Variants in DGKB observed in about 807,000 individuals in gnomAD.
DGKB encodes the protein 90 kDa diacylglycerol kinase.
Under a neutral mutation model 114.3 loss-of-function variants are expected in DGKB, and 67 were observed. The observed-to-expected ratio is 0.59, with a 90% CI of 0.48 to 0.72. DGKB has a LOEUF of 0.72. Among genes scored for constraint, DGKB ranks in the 30% least tolerant of loss-of-function variants. The pLI is 0.00. For synonymous variants in DGKB, 398 were observed against 323.1 expected, an observed-to-expected ratio of 1.23 and a Z score of -2.49; for missense variants, 907 against 975.2, an observed-to-expected ratio of 0.93 and a Z score of 0.93.
intron 1 of DGKB, among the ~76,000 whole-genome samples, chr7:14,895,453 A>G (rs912109973): frequency 1.3e-5 from 2 of 151,574 alleles, no homozygotes; most frequent in Admixed American, 6.6e-5. Flanking sequence ...TTGTTCTCCT[A>G]TTAATTATAT....
chr7:14,307,352 G>A (rs182418441), intron 23 of DGKB, among the ~76,000 whole-genome samples: 7 of 151,886 alleles, frequency 4.6e-5, no homozygotes, highest in African/African-American at 1.7e-4. Flanking sequence ...TCATAGAAAA[G>A]GATGTGGTGT....
At chr7:14,541,762 T>G (rs1488622545) in intron 20 of DGKB, among the ~76,000 whole-genome samples, 1 of 152,198 alleles carries the variant, frequency 6.6e-6, no homozygotes, top group Non-Finnish European at 1.5e-5. Flanking sequence ...AACCCTTTCT[T>G]CCATGTTCCA....
chr7:14,682,889 T>C (rs760290056), intron 10 of DGKB, 48 bp from the exon 11 acceptor site: 4 of 1,318,778 alleles, frequency 3.0e-6, no homozygotes, highest in South Asian at 2.5e-5. Flanking sequence ...TGGTCCTGGT[T>C]GTAATTTTAT....
chr7:14,211,214 C>T lies in DGKB; in HGVS notation c.2123-33063G>A, dbSNP rs371925826. On this transcript the variant is annotated intron_variant, in intron 23 of 25. Coordinates refer to ENST00000402815, the MANE Select transcript of DGKB (RefSeq NM_001350709.2). ...GCTAAAATCAAAGGGCTTCATCATC[C>T]TAATAGCTATTCCTGCAGTATTTGA... Among the ~76,000 whole-genome samples the T allele has an allele frequency of 3.9e-5, 6 of 152,218 alleles. No homozygotes were observed. The East Asian group carries it at 1.2e-3, about 30-fold the overall frequency.
intron 1 of DGKB, among the ~76,000 whole-genome samples, chr7:14,942,357 G>A (rs114647057): frequency 0.016 from 2,452 of 151,764 alleles, 66 homozygotes; most frequent in African/African-American, 0.056. Flanking sequence ...TTCAGCAACA[G>A]GATACATCTT....
intron 23 of DGKB, among the ~76,000 whole-genome samples, chr7:14,204,411 CT>C (rs1294927879): frequency 6.6e-6 from 1 of 151,990 alleles, no homozygotes; most frequent in East Asian, 1.9e-4. Context: ...TGACACATTT[CT>C]GTGTCTATGT....
chr7:14,760,575 C>T (rs1442127296), intron 2 of DGKB, among the ~76,000 whole-genome samples: 1 of 152,018 alleles, frequency 6.6e-6, no homozygotes, highest in Non-Finnish European at 1.5e-5. Context: ...TATCCATAAT[C>T]GTAGATGCAA....
At chr7:14,726,659 G>A (rs1176192025) in intron 5 of DGKB, among the ~76,000 whole-genome samples, 2 of 152,214 alleles carry the variant, frequency 1.3e-5, no homozygotes, top group Non-Finnish European at 2.9e-5. Flanking sequence ...TTTGGCCCAT[G>A]TCTTGGGCCA....
intron 20 of DGKB, among the ~76,000 whole-genome samples, chr7:14,492,844 A>G (rs1584364394): frequency 6.6e-6 from 1 of 152,298 alleles, no homozygotes; most frequent in South Asian, 2.1e-4. Flanking sequence ...ATGACAAAAA[A>G]GGGTTAAACT....
intron 21 of DGKB, among the ~76,000 whole-genome samples, chr7:14,468,997 T>C (rs1459121151): frequency 6.6e-6 from 1 of 152,094 alleles, no homozygotes; most frequent in African/African-American, 2.4e-5. Context: ...AATGTAAGTG[T>C]CTTGCAAACA....
At chr7:14,184,219 G>A (rs1230737644) in intron 23 of DGKB, among the ~76,000 whole-genome samples, 2 of 152,116 alleles carry the variant, frequency 1.3e-5, no homozygotes, top group African/African-American at 4.8e-5. Flanking sequence ...AGGAGCAGGG[G>A]GTAAAACTCC....
At chr7:14,175,035 C>A (rs1781518628) in intron 25 of DGKB, among the ~76,000 whole-genome samples, 1 of 152,262 alleles carries the variant, frequency 6.6e-6, no homozygotes, top group Non-Finnish European at 1.5e-5. Flanking sequence ...AAAACCATTA[C>A]AAAGGTAAAA....
intron 24 of DGKB, among the ~76,000 whole-genome samples, chr7:14,177,668 G>A (rs1351805316): frequency 6.6e-6 from 1 of 151,366 alleles, no homozygotes; most frequent in East Asian, 1.9e-4. Context: ...TTTAGTCCAT[G>A]AAATGATTTA....
At chr7:14,534,006 A>G (rs998372743) in intron 20 of DGKB, among the ~76,000 whole-genome samples, 3 of 152,092 alleles carry the variant, frequency 2.0e-5, no homozygotes, top group Non-Finnish European at 2.9e-5. Context: ...TATGTAGGCA[A>G]ATATACAATG....
chr7:14,392,982 G>GTTTTTTTTT (rs1298052301), intron 21 of DGKB, among the ~76,000 whole-genome samples: 1 of 27,466 alleles, frequency 3.6e-5, no homozygotes, highest in Non-Finnish European at 1.1e-4. Context: ...AAACAGACCT[G>GTTTTTTTTT]TTTTTTGTTT....
intron 6 of DGKB, among the ~76,000 whole-genome samples, chr7:14,708,617 A>T (rs1045794241): frequency 1.3e-5 from 2 of 151,538 alleles, no homozygotes; most frequent in Non-Finnish European, 2.9e-5. Context: ...CAAAACAGAG[A>T]TATAAATCAA....
chr7:14,209,200 A>C (rs1584461077), intron 23 of DGKB: 3 of 287,110 alleles, frequency 1.0e-5, no homozygotes, highest in East Asian at 2.1e-4. Flanking sequence ...AAATTTAAAA[A>C]ACCATCACCA....
At chr7:14,473,210 C>T (rs998512047) in intron 21 of DGKB, among the ~76,000 whole-genome samples, 2 of 152,150 alleles carry the variant, frequency 1.3e-5, no homozygotes, top group Non-Finnish European at 2.9e-5. Flanking sequence ...GGTGCCCATG[C>T]TGCGTGAAGC....
chr7:14,531,259 A>G (rs1791538203), intron 20 of DGKB, among the ~76,000 whole-genome samples: 2 of 151,638 alleles, frequency 1.3e-5, no homozygotes, highest in South Asian at 4.1e-4. Context: ...AAGAAAAAAA[A>G]CAATGTTTTC....
Sources: allele counts gnomAD v4.1 joint callset (sites outside exome capture counted in the v4.1 genomes callset), GRCh38; gene constraint gnomAD v4.1.1; transcripts MANE v1.5; gene names NCBI Gene and HGNC (gene_info 2026-07-23, HGNC 2026-07-21).